The following TBC1D3G variants were observed in gnomAD, a reference collection of about 807,000 sequenced individuals.
TBC1D3G encodes the protein TBC1 domain family member 3G, also known as TBC1 domain family member-like.
the TBC1D3G span, among the ~76,000 whole-genome samples, chr17:36,318,472 A>AAAAAAAAAAAAAG: frequency 9.6e-6 from 1 of 104,154 alleles, no homozygotes; most frequent in African/African-American, 3.6e-5. Flanking sequence ...AAAAAAAAAA[A>AAAAAAAAAAAAAG]AAAGAAAGGA....
At chr17:36,318,472 A>AAAAAAAAAAAAAAG in the TBC1D3G span, among the ~76,000 whole-genome samples, 2 of 104,098 alleles carry the variant, frequency 1.9e-5, no homozygotes, top group African/African-American at 7.2e-5. Context: ...AAAAAAAAAA[A>AAAAAAAAAAAAAAG]AAAGAAAGGA....
At chr17:36,318,493 AC>A in the TBC1D3G span, among the ~76,000 whole-genome samples, 4 of 85,214 alleles carry the variant, frequency 4.7e-5, no homozygotes, top group African/African-American at 1.2e-4. Context: ...AAAGAAAATG[AC>A]CCTCAGATAT....
Sources: allele counts gnomAD v4.1 joint callset (sites outside exome capture counted in the v4.1 genomes callset), GRCh38; gene constraint gnomAD v4.1.1; transcripts MANE v1.5; gene names NCBI Gene and HGNC (gene_info 2026-07-23, HGNC 2026-07-21).